MPP3: variants seen among roughly 807,000 people sequenced by gnomAD.
MPP3 encodes MAGUK p55 subfamily member 3.
A neutral mutation model predicts 80.7 loss-of-function variants in MPP3; 48 were observed. The observed-to-expected ratio is 0.59, with a 90% CI of 0.47 to 0.76. MPP3 has a LOEUF of 0.76. Ranked by LOEUF, MPP3 falls within the 30% of genes least tolerant of loss-of-function variation. The pLI is 0.00. For synonymous variants in MPP3, 311 were observed against 297.6 expected, an observed-to-expected ratio of 1.04 and a Z score of -0.46; for missense variants, 620 against 763.0, an observed-to-expected ratio of 0.81 and a Z score of 2.21.
intron 3 of MPP3, 87 bp from the exon 4 acceptor site, chr17:43,831,764 C>G (rs2045973880): frequency 7.0e-7 from 1 of 1,430,414 alleles, no homozygotes; most frequent in Admixed American, 2.0e-5. Flanking sequence ...TCAAACAGCA[C>G]TTCAGTCCTG....
chr17:43,808,234 A>C (rs1567797733), intron 19 of MPP3, among the ~76,000 whole-genome samples: 2 of 152,196 alleles, frequency 1.3e-5, no homozygotes, highest in Non-Finnish European at 2.9e-5. Context: ...CTTCAGATGA[A>C]ACCAGCTATA....
chr17:43,804,917 T>C (rs185950203), intron 19 of MPP3, among the ~76,000 whole-genome samples: 78 of 150,938 alleles, frequency 5.2e-4, no homozygotes, highest in African/African-American at 1.6e-3. Flanking sequence ...TACTTGGAGG[T>C]TGAGGCAGGA....
Position 43,820,966 on chromosome 17 carries a change from G to A in MPP3, c.777C>T (p.Val259=), listed in dbSNP as rs1203080830. The A allele has an allele frequency of 1.2e-6, 2 of 1,613,560 alleles. No individual in the cohort carries two copies. Among genetic ancestry groups the A allele is most frequent in the Admixed American group, 1.7e-5 (1 of 59,992 alleles). Reference sequence around the variant, plus strand: ...GGTCGTCCTGGCTCACCACCTCCAGGACCTGCCTGCGCTGGAAGGGCAGGC... The same window carrying A: ...GGTCGTCCTGGCTCACCACCTCCAGAACCTGCCTGCGCTGGAAGGGCAGGC... ...EAGLPFQRRQ[V]LEVVSQDDPT... is the part of the protein sequence containing the mutation. The change falls in exon 11 of 20, where the codon GTC becomes GTT. Residue 259 remains valine (V), a synonymous_variant. Transcript: ENST00000398389.
rs56125167 is a variant in MPP3 at position 43,822,678 on chromosome 17, TAAA to T, written c.684+1250_684+1252del. ...AAATATAACTGCACCACTCCCATCC[TAAA>T]AAAAAAAAAAAAAGAGCTTATTAGA... On this transcript the variant is annotated intron_variant, in intron 10 of 19. Coordinates refer to ENST00000398389, the MANE Select transcript of MPP3 (RefSeq NM_001932.6). 2.9e-4 allele frequency among the ~76,000 whole-genome samples: 17 copies of T among 59,052 alleles called. 1 individual carries two copies. Among genetic ancestry groups the T allele is most frequent in the African/African-American group, 1.4e-3 (16 of 11,304 alleles). The allele number at this position is 59,052 out of a possible 152,430, so 38.7% of individuals were successfully genotyped here.
At chr17:43,813,446 T>C (rs1367558102) in intron 16 of MPP3, among the ~76,000 whole-genome samples, 1 of 152,060 alleles carries the variant, frequency 6.6e-6, no homozygotes, top group African/African-American at 2.4e-5. Flanking sequence ...CCTTATCACA[T>C]TCAGAACCAG....
chr17:43,825,781 C>A lies in MPP3; in HGVS notation c.584G>T (p.Arg195Leu). ...EVNGIAVLHK[R>L]PDEISQILAQ... ...CAGAATCTGGCTGATCTCGTCGGGC[C>A]GCTTGTGCAGGACTGCGATCCCGTT... is the stretch of plus-strand genomic sequence containing the variant. The change falls in exon 9 of 20, where the codon CGG becomes CTG. Residue 195 changes from arginine (R) to leucine (L), a missense_variant. Arg to Leu is a moderately radical substitution (Grantham distance 102). Transcript: ENST00000398389. 6.2e-7 allele frequency: 1 copy of A among 1,613,280 alleles called. No homozygotes were observed. The highest frequency in any genetic ancestry group is 1.1e-5 in the South Asian group (1 of 91,066).
At position 43,801,858 on chromosome 17, in the gene MPP3, A is replaced by G; in HGVS notation, c.1601T>C (p.Met534Thr). 1 of 1,612,978 alleles carries G rather than the reference A, an allele frequency of 6.2e-7. No homozygotes were observed. The highest frequency in any genetic ancestry group is 8.5e-7 in the Non-Finnish European group (1 of 1,179,682). Residue 534 changes from methionine to threonine, a missense_variant, in exon 20 of 20, where the codon ATG (methionine) becomes ACG (threonine). Met to Thr is a moderately conservative substitution (Grantham distance 81). Transcript: ENST00000398389. ...GTCTATGAAGGCGGCAGAAGCGGCC[A>G]TCTCTTGCTGCTGCTCATCCTGCAA... ...AAPFDEQQQE[M>T]AASAAFIDRH...
chr17:43,803,827 C>T (rs747210156), intron 19 of MPP3, among the ~76,000 whole-genome samples: 1 of 152,188 alleles, frequency 6.6e-6, no homozygotes, highest in Non-Finnish European at 1.5e-5. Flanking sequence ...CACTGTGACC[C>T]TGCTGCCTAC....
chr17:43,831,455 A>T, intron 4 of MPP3, 104 bp downstream of exon 4: 1 of 1,315,164 alleles, frequency 7.6e-7, no homozygotes, highest in Non-Finnish European at 1.1e-6. Context: ...GGGCAAGTGA[A>T]GGCCTTCCTG....
chr17:43,831,374 C>T (rs1170540578), intron 4 of MPP3, 53 bp from the exon 5 acceptor site: 5 of 1,570,792 alleles, frequency 3.2e-6, no homozygotes, highest in Admixed American at 3.3e-5. Flanking sequence ...ATCCCACCCA[C>T]GGCTGTGGGG....
chr17:43,816,763 G>A, intron 12 of MPP3, 66 bp from the exon 13 acceptor site: 1 of 1,497,028 alleles, frequency 6.7e-7, no homozygotes, highest in Non-Finnish European at 9.1e-7. Context: ...CTGCGGCTGA[G>A]GGCAGCCACG....
chr17:43,811,930 T>C (rs1441595867), intron 16 of MPP3, among the ~76,000 whole-genome samples: 1 of 152,182 alleles, frequency 6.6e-6, no homozygotes, highest in Non-Finnish European at 1.5e-5. Context: ...AAGGGACCCC[T>C]AGTCCTAACT....
At chr17:43,816,213 C>A in intron 13 of MPP3, 134 bp from the exon 14 acceptor site, 1 of 743,106 alleles carries the variant, frequency 1.3e-6, no homozygotes, top group South Asian at 2.1e-5. Flanking sequence ...GGGGAAATCC[C>A]ATGTCCTGGA....
chr17:43,804,665 A>G (rs760272936), intron 19 of MPP3, among the ~76,000 whole-genome samples: 5 of 152,166 alleles, frequency 3.3e-5, no homozygotes, highest in Non-Finnish European at 7.4e-5. Flanking sequence ...AAAAATATAA[A>G]TGACAAAAGA....
intron 9 of MPP3, chr17:43,825,193 C>G (rs2045639355): frequency 6.6e-6 from 1 of 152,462 alleles, no homozygotes; most frequent in African/African-American, 2.4e-5. Flanking sequence ...TAAAGGGGAC[C>G]AAGCTATGAT....
chr17:43,831,867 GGGGGA>G lies in MPP3; in HGVS notation c.25+10_25+14del. The G allele has an allele frequency of 6.2e-7, 1 of 1,600,552 alleles. No individual in the cohort carries two copies. On this transcript the variant is annotated intron_variant, in intron 3 of 19. Coordinates refer to ENST00000398389, the MANE Select transcript of MPP3 (RefSeq NM_001932.6). Reference sequence around the variant, plus strand: ...TTCAGGACTGTGGCAGGTCCAGCCGGGGGGAGGTACTTACCAGAGTCCTCCGATAG... The same window carrying G: ...TTCAGGACTGTGGCAGGTCCAGCCGGGGTACTTACCAGAGTCCTCCGATAG...
chr17:43,818,650 C>A (rs1243514931), intron 11 of MPP3, among the ~76,000 whole-genome samples: 1 of 152,094 alleles, frequency 6.6e-6, no homozygotes, highest in African/African-American at 2.4e-5. Flanking sequence ...AAGGGCCGGG[C>A]GTGGTGGCTC....
Position 43,825,782 on chromosome 17 carries a change from G to A in MPP3, c.583C>T (p.Arg195Trp), listed in dbSNP as rs368652208. 2.5e-6 allele frequency: 4 copies of A among 1,612,838 alleles called. No homozygotes were observed. Among genetic ancestry groups the A allele is most frequent in the Admixed American group, 1.7e-5 (1 of 59,996 alleles). ...EVNGIAVLHK[R>W]PDEISQILAQ... is the part of the protein sequence containing the mutation. ...AGAATCTGGCTGATCTCGTCGGGCC[G>A]CTTGTGCAGGACTGCGATCCCGTTC... The change falls in exon 9 of 20, where the codon CGG becomes TGG. Residue 195 changes from arginine (R) to tryptophan (W), a missense_variant. Arg to Trp is a moderately radical substitution (Grantham distance 101). Coordinates refer to ENST00000398389, the MANE Select transcript of MPP3 (RefSeq NM_001932.6).
chr17:43,802,011 A>G (rs541602189), intron 19 of MPP3, 134 bp from the exon 20 acceptor site: 6 of 811,834 alleles, frequency 7.4e-6, no homozygotes, highest in Non-Finnish European at 1.1e-5. Flanking sequence ...CTGATAACCA[A>G]CTGTGTACAC....
Sources: allele counts gnomAD v4.1 joint callset (sites outside exome capture counted in the v4.1 genomes callset), GRCh38; gene constraint gnomAD v4.1.1; transcripts MANE v1.5; gene names NCBI Gene and HGNC (gene_info 2026-07-23, HGNC 2026-07-21).